KIAA1958: variants seen among roughly 807,000 people sequenced by gnomAD.
The protein encoded by KIAA1958 is uncharacterized protein KIAA1958.
In KIAA1958, 14 loss-of-function variants were observed where a neutral mutation model predicts 47.2. The observed-to-expected ratio is 0.30, with a 90% CI of 0.20 to 0.46. KIAA1958 has a LOEUF of 0.46. KIAA1958 is among the 20% of genes least tolerant of loss of function. The pLI, the probability that KIAA1958 is intolerant of heterozygous loss-of-function variation, is 1.00. For missense variants in KIAA1958, 803 were observed against 909.2 expected (o/e 0.88, Z 1.50); for synonymous variants, 354 against 353.3 (o/e 1.00, Z -0.02).
chr9:112,646,898 T>C (rs1217003507), intron 3 of KIAA1958, among the ~76,000 whole-genome samples: 1 of 152,230 alleles, frequency 6.6e-6, no homozygotes, highest in East Asian at 1.9e-4. Flanking sequence ...GATTTGCAGA[T>C]GGAAATGGCC....
chr9:112,592,674 C>G (rs1202828666), intron 2 of KIAA1958, among the ~76,000 whole-genome samples: 2 of 152,182 alleles, frequency 1.3e-5, no homozygotes, highest in African/African-American at 4.8e-5. Flanking sequence ...TTTTATTTGT[C>G]ATCCTGGTTC....
chr9:112,594,024 C>A (rs567831968), intron 2 of KIAA1958, among the ~76,000 whole-genome samples: 16 of 152,256 alleles, frequency 1.1e-4, no homozygotes, highest in African/African-American at 3.6e-4. Flanking sequence ...ACTACCACAT[C>A]TGGCTATTTT....
chr9:112,638,248 T>C (rs72766123), intron 2 of KIAA1958, among the ~76,000 whole-genome samples: 9,863 of 152,236 alleles, frequency 0.065, 357 homozygotes, highest in South Asian at 0.11. Flanking sequence ...ATCACACCTA[T>C]AATGTCAGGA....
At chr9:112,507,619 G>C (rs988191039) in intron 1 of KIAA1958, among the ~76,000 whole-genome samples, 7 of 152,194 alleles carry the variant, frequency 4.6e-5, no homozygotes, top group Non-Finnish European at 1.0e-4. Flanking sequence ...AAAGTGCTGG[G>C]ATTACAGGCC....
chr9:112,492,927 T>TA (rs1833993981), intron 1 of KIAA1958, among the ~76,000 whole-genome samples: 1 of 148,584 alleles, frequency 6.7e-6, no homozygotes, highest in African/African-American at 2.5e-5. Flanking sequence ...TTTTTTTTTT[T>TA]TTTTTTTTTG....
At chr9:112,606,431 G>A (rs1229507559) in intron 2 of KIAA1958, among the ~76,000 whole-genome samples, 2 of 152,058 alleles carry the variant, frequency 1.3e-5, no homozygotes, top group African/African-American at 4.8e-5. Flanking sequence ...AGACCTTTGG[G>A]ATTTTACCCA....
chr9:112,497,088 T>C (rs1054414191), intron 1 of KIAA1958, among the ~76,000 whole-genome samples: 4 of 152,230 alleles, frequency 2.6e-5, no homozygotes, highest in Admixed American at 6.5e-5. Context: ...TTGTAAGATA[T>C]AATACAGAGA....
At chr9:112,650,074 A>G (rs983861866) in intron 3 of KIAA1958, among the ~76,000 whole-genome samples, 1 of 152,116 alleles carries the variant, frequency 6.6e-6, no homozygotes, top group African/African-American at 2.4e-5. Context: ...AAAAACTCTC[A>G]TTAGAAACTG....
rs980728772 is a variant in KIAA1958, at chr9:112,661,072, C to T, written c.*1003C>T. The T allele has an allele frequency of 2.0e-5, 3 of 152,066 alleles. No individual in the cohort carries two copies. The highest frequency in any genetic ancestry group is 4.4e-5 in the Non-Finnish European group (3 of 68,010). 9.4% of individuals were successfully genotyped at this position (152,066 alleles called of 1,614,324 possible). ...AAACAAGCTGCAAAAAACACAGATC[C>T]CCAAACTTTCTTTATTAAAGAGATT... is the stretch of plus-strand genomic sequence containing the variant. On this transcript the variant is annotated 3_prime_UTR_variant, in exon 4 of 4. Coordinates refer to ENST00000337530, the MANE Select transcript of KIAA1958 (RefSeq NM_133465.4).
intron 1 of KIAA1958, among the ~76,000 whole-genome samples, chr9:112,564,559 C>A (rs570341795): frequency 6.6e-6 from 1 of 151,846 alleles, no homozygotes; most frequent in East Asian, 1.9e-4. Flanking sequence ...CCTTTCATAC[C>A]TTTTTTTTCT....
At chr9:112,515,893 T>TAAAAAAAA (rs1491221500) in intron 1 of KIAA1958, among the ~76,000 whole-genome samples, 1 of 13,214 alleles carries the variant, frequency 7.6e-5, no homozygotes, top group Non-Finnish European at 1.5e-4. Flanking sequence ...AAAAAATAAA[T>TAAAAAAAA]TAAAAAAAAA....
intron 1 of KIAA1958, among the ~76,000 whole-genome samples, chr9:112,562,143 T>A (rs552544803): frequency 3.6e-4 from 55 of 152,308 alleles, no homozygotes; most frequent in African/African-American, 1.3e-3. Context: ...TGCACTATAT[T>A]GTGTATTATT....
intron 2 of KIAA1958, among the ~76,000 whole-genome samples, chr9:112,641,898 C>A (rs72766124): frequency 5.5e-3 from 831 of 152,176 alleles, no homozygotes; most frequent in Non-Finnish European, 8.9e-3. Flanking sequence ...AGGATGTTAT[C>A]CTCTCAAATC....
At chr9:112,545,825 G>GTGTTTTTTTT (rs60211721) in intron 1 of KIAA1958, among the ~76,000 whole-genome samples, 44 of 93,024 alleles carry the variant, frequency 4.7e-4, no homozygotes, top group Non-Finnish European at 7.3e-4. Flanking sequence ...AGGTTTCTTT[G>GTGTTTTTTTT]TTTTTTTTTT....
chr9:112,632,105 C>T (rs1002068345), intron 2 of KIAA1958, among the ~76,000 whole-genome samples: 1 of 152,002 alleles, frequency 6.6e-6, no homozygotes, highest in African/African-American at 2.4e-5. Flanking sequence ...ATAATATGTT[C>T]ATGTTGCAAA....
intron 1 of KIAA1958, among the ~76,000 whole-genome samples, chr9:112,566,764 T>G (rs1835434156): frequency 6.6e-6 from 1 of 152,132 alleles, no homozygotes; most frequent in Non-Finnish European, 1.5e-5. Context: ...AGGAGGACTT[T>G]TGTTTTAAAA....
At chr9:112,488,668 A>C (rs1833911936) in intron 1 of KIAA1958, among the ~76,000 whole-genome samples, 2 of 152,248 alleles carry the variant, frequency 1.3e-5, no homozygotes, top group Admixed American at 1.3e-4. Flanking sequence ...TCCTAAAAAA[A>C]CAAAAAGCAT....
intron 3 of KIAA1958, among the ~76,000 whole-genome samples, chr9:112,653,211 TAGA>T (rs1378711591): frequency 1.3e-5 from 2 of 152,164 alleles, no homozygotes; most frequent in Non-Finnish European, 2.9e-5. Flanking sequence ...AGAAGGTTAG[TAGA>T]AAAAAGCATT....
rs140591805 is a variant in KIAA1958 at position 112,630,789 on chromosome 9, T to G, written c.1172-14861T>G. Among the ~76,000 whole-genome samples the G allele has an allele frequency of 6.2e-4, 95 of 152,390 alleles. 2 individuals carry two copies. The East Asian group carries it at 0.017, about 27-fold the overall frequency. On this transcript the variant is annotated intron_variant, in intron 2 of 3. Coordinates refer to ENST00000337530, the MANE Select transcript of KIAA1958 (RefSeq NM_133465.4). Reference sequence around the variant, plus strand: ...CTTTGCAGAAATGCAAATGTTTTTCTTTCATGGCTGAATAGTCCACCAGTC... The same window carrying G: ...CTTTGCAGAAATGCAAATGTTTTTCGTTCATGGCTGAATAGTCCACCAGTC...
Sources: gnomAD v4.1 joint callset for allele counts (sites outside exome capture counted in the v4.1 genomes callset) on GRCh38, gnomAD v4.1.1 for gene constraint, MANE v1.5 for transcripts, NCBI Gene and HGNC (gene_info 2026-07-23, HGNC 2026-07-21) for gene names.